RAB38: variants seen among roughly 807,000 people sequenced by gnomAD.
RAB38 encodes the protein ras-related protein Rab-38.
Under a neutral mutation model 18.4 loss-of-function variants are expected in RAB38, and 15 were observed. That is an observed-to-expected ratio of 0.82 (90% CI 0.55 to 1.26). RAB38 has a LOEUF of 1.26. Ranked by LOEUF, RAB38 falls within the 50% of genes most tolerant of loss-of-function variation. RAB38 has a pLI of 0.00. For missense variants in RAB38, 294 were observed against 267.4 expected (o/e 1.10, Z -0.69); for synonymous variants, 101 against 104.4 (o/e 0.97, Z 0.20).
At chr11:87,962,221 AT>A in the RAB38 span, among the ~76,000 whole-genome samples, 1 of 152,154 alleles carries the variant, frequency 6.6e-6, no homozygotes, top group African/African-American at 2.4e-5. Context: ...GAAAAAAAGC[AT>A]CTTTTAAAAA....
the RAB38 span, among the ~76,000 whole-genome samples, chr11:88,025,795 A>C: frequency 6.6e-6 from 1 of 152,050 alleles, no homozygotes; most frequent in African/African-American, 2.4e-5. Flanking sequence ...TGCATAGTTT[A>C]CTAATATTTT....
the RAB38 span, among the ~76,000 whole-genome samples, chr11:87,978,200 T>TATATATTATATATGAA: frequency 0.059 from 55 of 928 alleles, 1 homozygote; most frequent in South Asian, 0.2. Flanking sequence ...AATATATAGG[T>TATATATTATATATGAA]GTNNNNNNNN....
At chr11:88,141,269 C>T (rs1319305337) in intron 2 of RAB38, among the ~76,000 whole-genome samples, 1 of 152,098 alleles carries the variant, frequency 6.6e-6, no homozygotes, top group African/African-American at 2.4e-5. Flanking sequence ...AACCAGAGGA[C>T]ATTTGGCAAT....
At chr11:88,033,740 T>TTG in the RAB38 span, among the ~76,000 whole-genome samples, 1 of 145,742 alleles carries the variant, frequency 6.9e-6, no homozygotes. Context: ...TTTTTTTTTT[T>TTG]TTTTTGAGAT....
At chr11:88,159,538 CA>C (rs1175780436) in intron 1 of RAB38, among the ~76,000 whole-genome samples, 1 of 151,760 alleles carries the variant, frequency 6.6e-6, no homozygotes, top group Non-Finnish European at 1.5e-5. Flanking sequence ...TAATACTAAG[CA>C]AAAAGAACAA....
chr11:87,977,377 T>C, the RAB38 span, among the ~76,000 whole-genome samples: 1 of 45,188 alleles, frequency 2.2e-5, no homozygotes, highest in Non-Finnish European at 4.0e-5. Context: ...AAAATTATAT[T>C]ATAAAATATA....
chr11:88,160,531 A>G (rs1943177738), intron 1 of RAB38, among the ~76,000 whole-genome samples: 1 of 152,088 alleles, frequency 6.6e-6, no homozygotes, highest in Admixed American at 6.6e-5. Context: ...ACGTGCACTC[A>G]CATGTTCATT....
chr11:88,105,723 T>G, the RAB38 span, among the ~76,000 whole-genome samples: 13 of 152,156 alleles, frequency 8.5e-5, no homozygotes, highest in Admixed American at 7.2e-4. Flanking sequence ...TAGTTCAGCT[T>G]GGATCACAAG....
the RAB38 span, among the ~76,000 whole-genome samples, chr11:88,042,671 G>T: frequency 6.6e-6 from 1 of 152,192 alleles, no homozygotes; most frequent in Non-Finnish European, 1.5e-5. Context: ...AGTAGACCCA[G>T]TAGGACGCAG....
At chr11:88,025,043 A>G in the RAB38 span, among the ~76,000 whole-genome samples, 3 of 152,150 alleles carry the variant, frequency 2.0e-5, no homozygotes, top group Non-Finnish European at 4.4e-5. Flanking sequence ...AACACAAAGT[A>G]TAAATGCTTC....
chr11:88,047,960 T>A, the RAB38 span, among the ~76,000 whole-genome samples: 1 of 152,182 alleles, frequency 6.6e-6, no homozygotes, highest in South Asian at 2.1e-4. Flanking sequence ...TTTCATAACC[T>A]CTTCCATGTA....
the RAB38 span, among the ~76,000 whole-genome samples, chr11:88,022,110 G>A: frequency 1.3e-5 from 2 of 151,964 alleles, no homozygotes; most frequent in Non-Finnish European, 2.9e-5. Context: ...ACAAATACTA[G>A]CAAACAGAAT....
the RAB38 span, among the ~76,000 whole-genome samples, chr11:88,030,428 T>A: frequency 3.9e-5 from 6 of 152,122 alleles, no homozygotes; most frequent in Admixed American, 2.0e-4. Flanking sequence ...CAAAAAATTA[T>A]TGAATCCAGA....
chr11:88,027,208 T>C, the RAB38 span, among the ~76,000 whole-genome samples: 160 of 152,294 alleles, frequency 1.1e-3, 1 homozygote, highest in African/African-American at 3.6e-3. Context: ...AAGTTTTTTT[T>C]TGCATCCATT....
the RAB38 span, among the ~76,000 whole-genome samples, chr11:87,906,579 G>C: frequency 6.6e-6 from 1 of 151,888 alleles, no homozygotes; most frequent in Admixed American, 6.6e-5. Flanking sequence ...TGCTTAGAAA[G>C]TATTTTCATT....
chr11:87,850,440 A>C, the RAB38 span, among the ~76,000 whole-genome samples: 1 of 151,984 alleles, frequency 6.6e-6, no homozygotes, highest in Non-Finnish European at 1.5e-5. Context: ...CAAATAATCA[A>C]AATCATTTTC....
At chr11:87,937,204 G>A in the RAB38 span, among the ~76,000 whole-genome samples, 1 of 150,944 alleles carries the variant, frequency 6.6e-6, no homozygotes, top group Non-Finnish European at 1.5e-5. Flanking sequence ...TTTCATTGAT[G>A]TGATCAGGTA....
the RAB38 span, among the ~76,000 whole-genome samples, chr11:87,932,878 G>T: frequency 2.0e-5 from 3 of 152,002 alleles, no homozygotes; most frequent in Non-Finnish European, 4.4e-5. Context: ...AGCAGCAAAG[G>T]GACCTAGGGA....
At chr11:88,147,583 A>C (rs1187259189) in intron 2 of RAB38, among the ~76,000 whole-genome samples, 2 of 151,820 alleles carry the variant, frequency 1.3e-5, no homozygotes, top group African/African-American at 4.8e-5. Flanking sequence ...AAAAAAAAAA[A>C]AAACAGCTAA....
Sources: gnomAD v4.1 joint callset for allele counts (sites outside exome capture counted in the v4.1 genomes callset) on GRCh38, gnomAD v4.1.1 for gene constraint, MANE v1.5 for transcripts, NCBI Gene and HGNC (gene_info 2026-07-23, HGNC 2026-07-21) for gene names.